DHX29: variants seen among roughly 807,000 people sequenced by gnomAD.
The protein encoded by DHX29 is ATP-dependent RNA helicase DHX29.
In DHX29, 79 loss-of-function variants were observed where a neutral mutation model predicts 167.9. The observed-to-expected ratio is 0.47, with a 90% CI of 0.39 to 0.57. The LOEUF (loss-of-function observed/expected upper bound fraction) is 0.57. Ranked by LOEUF, DHX29 falls within the 20% of genes least tolerant of loss-of-function variation. The probability of loss-of-function intolerance (pLI) is 0.00; values close to 1 mark genes in which losing one functional copy is unlikely to be tolerated. For synonymous variants in DHX29, 530 were observed against 546.0 expected, an observed-to-expected ratio of 0.97 and a Z score of 0.41; for missense variants, 1,347 against 1,593.4, an observed-to-expected ratio of 0.85 and a Z score of 2.63.
In DHX29 at chr5:55,281,517, T is replaced by C. The variant is rs1297093314; in HGVS notation, c.1966-2A>G. ...GATCTGATATCCACACAAGGAATTC[T>C]AAAGGGAGAACATAAGGCCTTGATT... On this transcript the variant is annotated splice_acceptor_variant, in intron 11 of 26. Coordinates refer to ENST00000251636, the MANE Select transcript of DHX29 (RefSeq NM_019030.4). LOFTEE classifies it high-confidence loss of function. 1 of 1,574,628 alleles carries C rather than the reference T, an allele frequency of 6.4e-7. No homozygotes were observed. Among genetic ancestry groups the C allele is most frequent in the South Asian group, 1.2e-5 (1 of 83,674 alleles).
At chr5:55,290,371 G>A (rs1170529550) in intron 6 of DHX29, 27 bp from the exon 7 acceptor site, 16 of 1,543,308 alleles carry the variant, frequency 1.0e-5, no homozygotes, top group Admixed American at 6.7e-5. Context: ...AATGAGGAGG[G>A]GGAAAAAAAA....
At chr5:55,257,752 T>C (rs1746121063) in intron 26 of DHX29, among the ~76,000 whole-genome samples, 2 of 152,188 alleles carry the variant, frequency 1.3e-5, no homozygotes, top group South Asian at 2.1e-4. Context: ...CAAACGTATA[T>C]ACTACACCCA....
At chr5:55,296,522 A>G (rs961427239) in intron 3 of DHX29, among the ~76,000 whole-genome samples, 173 bp from the exon 4 acceptor site, 6 of 152,236 alleles carry the variant, frequency 3.9e-5, no homozygotes, top group Non-Finnish European at 8.8e-5. Context: ...TTTGGAAACC[A>G]GAGATCTTTA....
Position 55,285,695 on chromosome 5 carries a change from C to T in DHX29, c.1232+1G>A, listed in dbSNP as rs758387640. 1 of 1,552,690 alleles carries T rather than the reference C, an allele frequency of 6.4e-7. No homozygotes were observed. Among genetic ancestry groups the T allele is most frequent in the Admixed American group, 2.0e-5 (1 of 50,042 alleles). On this transcript the variant is annotated splice_donor_variant, in intron 9 of 26. Coordinates refer to ENST00000251636, the MANE Select transcript of DHX29 (RefSeq NM_019030.4). LOFTEE classifies it high-confidence loss of function. ...AAAAACAACAACAACAAAAAACATA[C>T]CTACATTTCCAGTATCTACCTACTG...
At position 55,281,446 on chromosome 5, in the gene DHX29, T is replaced by C; in HGVS notation, c.2035A>G (p.Thr679Ala). 11 of 1,600,758 alleles carry C rather than the reference T, an allele frequency of 6.9e-6. No individual in the cohort carries two copies. The highest frequency in any genetic ancestry group is 9.4e-6 in the Non-Finnish European group (11 of 1,173,406). Residue 679 changes from threonine (T) to alanine (A), a missense_variant, in exon 12 of 27, where the codon ACA becomes GCA. By Grantham distance (58) the Thr-to-Ala change is moderately conservative (BLOSUM62 0). Coordinates refer to ENST00000251636, the MANE Select transcript of DHX29 (RefSeq NM_019030.4). ...ACESTRLLYC[T>A]TGVLLRKLQE... is the part of the protein sequence containing the mutation. ...AGTTTCCTTAGCAAAACCCCTGTTG[T>C]ACAATAGAGTAACCTGGTAGATTCA...
intron 1 of DHX29, among the ~76,000 whole-genome samples, chr5:55,303,895 AT>A (rs1748728795): frequency 1.3e-5 from 2 of 152,216 alleles, no homozygotes; most frequent in African/African-American, 4.8e-5. Context: ...CTAAAAAAAA[AT>A]TTATAATGGC....
At position 55,267,974 on chromosome 5, in the gene DHX29, C is replaced by T. The variant is rs1579760764; in HGVS notation, c.3295-152G>A. ...TATTATGTTTATTAGTATTATTATACTAATTAATGTTTAATATAAAATATT... is the reference window on the plus strand; with the variant it reads ...TATTATGTTTATTAGTATTATTATATTAATTAATGTTTAATATAAAATATT... On this transcript the variant is annotated intron_variant, in intron 21 of 26. Coordinates refer to ENST00000251636, the MANE Select transcript of DHX29 (RefSeq NM_019030.4). 3.4e-5 allele frequency: 13 copies of T among 379,210 alleles called. 1 individual carries two copies. In the East Asian group the frequency reaches 5.4e-4, roughly 16 times the overall value. The allele number at this position is 379,210 out of a possible 1,614,324, so 23.5% of individuals were successfully genotyped here. A position where few individuals can be genotyped will look rare whatever the true frequency, so the allele number is the denominator to read the frequency against.
At chr5:55,292,232 G>A (rs1748086158) in intron 6 of DHX29, among the ~76,000 whole-genome samples, 1 of 151,982 alleles carries the variant, frequency 6.6e-6, no homozygotes, top group African/African-American at 2.4e-5. Flanking sequence ...GGTGTGAAAT[G>A]GTATGCCATT....
intron 14 of DHX29, 72 bp from the exon 15 acceptor site, chr5:55,275,082 G>A: frequency 6.6e-7 from 1 of 1,522,166 alleles, no homozygotes; most frequent in Non-Finnish European, 8.9e-7. Flanking sequence ...AAGGAAAAAA[G>A]GCGGTATTTG....
At chr5:55,292,627 C>T (rs973590667) in intron 6 of DHX29, among the ~76,000 whole-genome samples, 2 of 152,154 alleles carry the variant, frequency 1.3e-5, no homozygotes, top group Non-Finnish European at 2.9e-5. Context: ...ACCTTCTGGA[C>T]ATCAAAATCT....
At chr5:55,265,690 G>T (rs1303903515) in intron 23 of DHX29, among the ~76,000 whole-genome samples, 1 of 144,980 alleles carries the variant, frequency 6.9e-6, no homozygotes, top group Non-Finnish European at 1.5e-5. Context: ...AAAAAAGCCA[G>T]TAATGAGGTA....
In DHX29 at chr5:55,300,436, G is replaced by A. The variant is rs766893348; in HGVS notation, c.188-1772C>T. On this transcript the variant is annotated intron_variant, in intron 1 of 26. Transcript: ENST00000251636. ...TGCCTGTAATCCCAGCACTTGGGAC[G>A]CGGAGGCGGGCAGATCACATGAGGT... Among the ~76,000 whole-genome samples the A allele has an allele frequency of 3.9e-5, 6 of 152,184 alleles. No homozygotes were observed. In the East Asian group the frequency reaches 7.7e-4, roughly 20 times the overall value.
chr5:55,281,154 CAAAT>C (rs1747390723), intron 12 of DHX29, among the ~76,000 whole-genome samples: 1 of 151,504 alleles, frequency 6.6e-6, no homozygotes, highest in Admixed American at 6.6e-5. Context: ...TACACACACA[CAAAT>C]ATATATCCCC....
chr5:55,295,103 C>G (rs1287483481), intron 5 of DHX29: 1 of 277,950 alleles, frequency 3.6e-6, no homozygotes, highest in Non-Finnish European at 6.7e-6. Context: ...TTTGGATGTT[C>G]CAGCCTTGGA....
chr5:55,284,170 T>C (rs1489964570), intron 10 of DHX29, among the ~76,000 whole-genome samples: 1 of 152,196 alleles, frequency 6.6e-6, no homozygotes, highest in African/African-American at 2.4e-5. Flanking sequence ...GAGCTAGTAA[T>C]TGTACCTCCC....
chr5:55,282,600 C>T (rs1005765414), intron 11 of DHX29, among the ~76,000 whole-genome samples: 1 of 152,146 alleles, frequency 6.6e-6, no homozygotes, highest in African/African-American at 2.4e-5. Flanking sequence ...CATGAACTTG[C>T]AATTTGTCAT....
intron 16 of DHX29, 97 bp from the exon 17 acceptor site, chr5:55,273,474 A>AT (rs1437312380): frequency 7.7e-7 from 1 of 1,291,662 alleles, no homozygotes; most frequent in East Asian, 2.7e-5. Context: ...CAACTTTAAG[A>AT]TTTTTTACTA....
At chr5:55,283,842 AC>A (rs1747575905) in intron 10 of DHX29, 31 bp from the exon 11 acceptor site, 1 of 1,525,032 alleles carries the variant, frequency 6.6e-7, no homozygotes, top group Non-Finnish European at 8.8e-7. Context: ...TGTTATTTTC[AC>A]TAACTATTCA....
intron 26 of DHX29, among the ~76,000 whole-genome samples, chr5:55,258,792 ATCC>A (rs2111770963): frequency 1.3e-5 from 2 of 152,190 alleles, no homozygotes; most frequent in South Asian, 4.1e-4. Flanking sequence ...GCCTCAAGCG[ATCC>A]TCCTGCCTCA....
Sources: allele counts gnomAD v4.1 joint callset (sites outside exome capture counted in the v4.1 genomes callset), GRCh38; gene constraint gnomAD v4.1.1; transcripts MANE v1.5; gene names NCBI Gene and HGNC (gene_info 2026-07-23, HGNC 2026-07-21).